The following DCDC2 variants were observed in gnomAD, a reference collection of about 807,000 sequenced individuals.
DCDC2 encodes the protein doublecortin domain-containing protein 2.
In DCDC2, 40 loss-of-function variants were observed where a neutral mutation model predicts 50.2. The ratio of observed to expected loss-of-function variants is 0.80; its 90% CI spans 0.62 to 1.04. DCDC2 has a LOEUF of 1.04. Ranked by LOEUF, DCDC2 falls within the 50% of genes least tolerant of loss-of-function variation. DCDC2 has a pLI of 0.00. For synonymous variants in DCDC2, 234 were observed against 210.6 expected (o/e 1.11, Z -0.96); for missense variants, 570 against 581.9 (o/e 0.98, Z 0.21).
intron 2 of DCDC2, among the ~76,000 whole-genome samples, chr6:24,323,425 T>G (rs1429663709): frequency 6.6e-6 from 1 of 152,146 alleles, no homozygotes; most frequent in Non-Finnish European, 1.5e-5. Context: ...TCTAGTAAGA[T>G]CTGTAGATTA....
At chr6:24,255,317 T>C (rs1052189532) in intron 7 of DCDC2, among the ~76,000 whole-genome samples, 4 of 150,778 alleles carry the variant, frequency 2.7e-5, no homozygotes, top group Non-Finnish European at 4.4e-5. Context: ...TCCAGACAGA[T>C]TGTAACTTTA....
intron 4 of DCDC2, among the ~76,000 whole-genome samples, chr6:24,295,258 G>A (rs144274718): frequency 9.9e-5 from 15 of 152,192 alleles, no homozygotes; most frequent in East Asian, 1.9e-4. Context: ...AAAGGCTTTC[G>A]ATAAAATTCA....
chr6:24,204,962 A>G (rs771535155), intron 8 of DCDC2, 40 bp downstream of exon 8: 9 of 1,572,422 alleles, frequency 5.7e-6, no homozygotes, highest in Admixed American at 3.6e-5. Context: ...AAAAAACACT[A>G]TAATTGTCTT....
At chr6:24,355,736 AAAT>A (rs1760455276) in intron 1 of DCDC2, among the ~76,000 whole-genome samples, 1 of 152,212 alleles carries the variant, frequency 6.6e-6, no homozygotes, top group Non-Finnish European at 1.5e-5. Context: ...AGGGAAAAAT[AAAT>A]CCAAATATAT....
intron 2 of DCDC2, among the ~76,000 whole-genome samples, chr6:24,343,121 C>T (rs1338473448): frequency 2.0e-5 from 3 of 149,198 alleles, no homozygotes; most frequent in African/African-American, 7.5e-5. Context: ...GATCTCAGCT[C>T]ACTGCAAGCT....
At chr6:24,359,908 C>A (rs939037904), upstream of DCDC2, among the ~76,000 whole-genome samples, 1 of 152,198 alleles carries the variant, frequency 6.6e-6, no homozygotes, top group East Asian at 1.9e-4. Flanking sequence ...AGCGCGCAAG[C>A]GGGGCCCTGG....
chr6:24,176,232 G>A (rs1760907179), intron 9 of DCDC2, among the ~76,000 whole-genome samples: 1 of 152,100 alleles, frequency 6.6e-6, no homozygotes, highest in Non-Finnish European at 1.5e-5. Context: ...GGAGGTCAAA[G>A]CTGCAGTGAG....
intron 2 of DCDC2, among the ~76,000 whole-genome samples, chr6:24,306,826 A>T (rs1021813411): frequency 1.4e-4 from 22 of 152,256 alleles, no homozygotes; most frequent in African/African-American, 5.3e-4. Context: ...TCAAGTTCAC[A>T]AATTCCATAA....
intron 6 of DCDC2, 52 bp from the exon 7 acceptor site, chr6:24,278,263 C>T (rs112793647): frequency 6.6e-7 from 1 of 1,517,110 alleles, no homozygotes; most frequent in South Asian, 1.3e-5. Context: ...CTCTCAAAAA[C>T]ATTCCCAGTA....
At chr6:24,272,619 A>G (rs1308815372) in intron 7 of DCDC2, among the ~76,000 whole-genome samples, 10 of 152,256 alleles carry the variant, frequency 6.6e-5, no homozygotes, top group Admixed American at 6.5e-4. Context: ...AAAAATGCTC[A>G]ATGTCACTAA....
intron 7 of DCDC2, among the ~76,000 whole-genome samples, chr6:24,256,059 A>T (rs1762891816): frequency 6.6e-6 from 1 of 152,226 alleles, no homozygotes; most frequent in African/African-American, 2.4e-5. Flanking sequence ...GCTATATAAG[A>T]ATAACAAACT....
At chr6:24,197,895 A>T (rs1442819747) in intron 8 of DCDC2, among the ~76,000 whole-genome samples, 1 of 152,152 alleles carries the variant, frequency 6.6e-6, no homozygotes, top group Non-Finnish European at 1.5e-5. Flanking sequence ...CCAATCCTCC[A>T]CTTAGAATTG....
intron 7 of DCDC2, among the ~76,000 whole-genome samples, chr6:24,223,162 G>A (rs1298372929): frequency 2.0e-5 from 3 of 152,190 alleles, no homozygotes; most frequent in African/African-American, 7.2e-5. Context: ...CATTGAAACT[G>A]TGCCTGCCTG....
In DCDC2 at chr6:24,309,981, A is replaced by T. The variant is rs550864855; in HGVS notation, c.349-7937T>A. On this transcript the variant is annotated intron_variant, in intron 2 of 9. Coordinates refer to ENST00000378454, the MANE Select transcript of DCDC2 (RefSeq NM_016356.5). ...CCTGTCTATTAAAAAAATAATAATTAAAAAAAAGACAAAAACAAGATATGG... is the reference window on the plus strand; with the variant it reads ...CCTGTCTATTAAAAAAATAATAATTTAAAAAAAGACAAAAACAAGATATGG... 7.9e-5 allele frequency among the ~76,000 whole-genome samples: 12 copies of T among 152,148 alleles called. No individual in the cohort carries two copies. In the East Asian group the frequency reaches 1.5e-3, roughly 20 times the overall value.
At chr6:24,266,824 G>A (rs112813001) in intron 7 of DCDC2, among the ~76,000 whole-genome samples, 1 of 152,162 alleles carries the variant, frequency 6.6e-6, no homozygotes, top group Non-Finnish European at 1.5e-5. Flanking sequence ...CAAAAGAAAG[G>A]AAATCAGTAT....
chr6:24,200,580 C>CTA (rs1393278811), intron 8 of DCDC2, among the ~76,000 whole-genome samples: 1 of 152,004 alleles, frequency 6.6e-6, no homozygotes, highest in Non-Finnish European at 1.5e-5. Flanking sequence ...ACCATCGACA[C>CTA]TAAGAAGAAA....
chr6:24,330,786 TAAGAG>T (rs1223577997), intron 2 of DCDC2, among the ~76,000 whole-genome samples: 4 of 152,208 alleles, frequency 2.6e-5, no homozygotes, highest in African/African-American at 4.8e-5. Flanking sequence ...TCTATCTGAA[TAAGAG>T]AAGTCTAGGT....
chr6:24,293,708 T>C (rs866367567), intron 4 of DCDC2, among the ~76,000 whole-genome samples: 1 of 152,228 alleles, frequency 6.6e-6, no homozygotes, highest in African/African-American at 2.4e-5. Flanking sequence ...TGGAACTCTC[T>C]ATCCCAAAAC....
chr6:24,192,778 G>T (rs948700946), intron 8 of DCDC2, among the ~76,000 whole-genome samples: 4 of 151,934 alleles, frequency 2.6e-5, no homozygotes, highest in Non-Finnish European at 5.9e-5. Context: ...ATAATCACTT[G>T]GGGAGGTCCT....
Sources: allele counts gnomAD v4.1 joint callset (sites outside exome capture counted in the v4.1 genomes callset), GRCh38; gene constraint gnomAD v4.1.1; transcripts MANE v1.5; gene names NCBI Gene and HGNC (gene_info 2026-07-23, HGNC 2026-07-21).